The following TPD52L2 variants were observed in gnomAD, a reference collection of about 807,000 sequenced individuals.
TPD52L2 encodes tumor protein D54.
In TPD52L2, 19 loss-of-function variants were observed where a neutral mutation model predicts 24.7. The ratio of observed to expected loss-of-function variants is 0.77; its 90% CI spans 0.54 to 1.13. The LOEUF (loss-of-function observed/expected upper bound fraction) is 1.13. TPD52L2 is among the 50% of genes most tolerant of loss of function. The pLI is 0.00. For synonymous variants in TPD52L2, 104 were observed against 100.2 expected (o/e 1.04, Z -0.23); for missense variants, 236 against 250.4 (o/e 0.94, Z 0.39).
intron 5 of TPD52L2, among the ~76,000 whole-genome samples, chr20:63,886,528 A>C (rs933768659): frequency 9.9e-5 from 15 of 151,470 alleles, no homozygotes; most frequent in Non-Finnish European, 1.5e-4. Flanking sequence ...CGCCCGGCTA[A>C]TTTTTTGTAT....
intron 5 of TPD52L2, chr20:63,887,468 A>C: frequency 7.5e-7 from 1 of 1,330,660 alleles, no homozygotes; most frequent in Non-Finnish European, 1.1e-6. Context: ...GAGTGGGGGA[A>C]TCCCAGCTCT....
chr20:63,879,843 C>T (rs2052830030), intron 4 of TPD52L2, among the ~76,000 whole-genome samples: 1 of 105,082 alleles, frequency 9.5e-6, no homozygotes, highest in Non-Finnish European at 2.0e-5. Context: ...GGTGCAGCTT[C>T]CCCATCCCCA....
intron 1 of TPD52L2, among the ~76,000 whole-genome samples, chr20:63,867,773 TC>T (rs2052309086): frequency 6.6e-6 from 1 of 150,992 alleles, no homozygotes; most frequent in African/African-American, 2.4e-5. Context: ...AGTTTTTTTT[TC>T]TTTTTCTTTT....
At chr20:63,886,566 G>A (rs1012781834) in intron 5 of TPD52L2, among the ~76,000 whole-genome samples, 2 of 150,930 alleles carry the variant, frequency 1.3e-5, no homozygotes, top group African/African-American at 2.4e-5. Flanking sequence ...TTTCACCGTG[G>A]TCTCGATCTC....
chr20:63,874,666 C>T (rs1024090453), intron 3 of TPD52L2, among the ~76,000 whole-genome samples: 12 of 152,192 alleles, frequency 7.9e-5, no homozygotes, highest in African/African-American at 2.7e-4. Flanking sequence ...TGAGCCACCA[C>T]ATCCGGCTTA....
chr20:63,870,338 G>A (rs558130072), intron 2 of TPD52L2, among the ~76,000 whole-genome samples: 45 of 152,146 alleles, frequency 3.0e-4, no homozygotes, highest in African/African-American at 9.9e-4. Context: ...TGGTTGTGCC[G>A]CTGAGTCTGA....
chr20:63,879,498 T>C (rs2052815365), intron 4 of TPD52L2, among the ~76,000 whole-genome samples: 1 of 152,108 alleles, frequency 6.6e-6, no homozygotes, highest in African/African-American at 2.4e-5. Context: ...CAGGTCACGC[T>C]CAGGACCCCA....
intron 5 of TPD52L2, among the ~76,000 whole-genome samples, chr20:63,886,225 T>C (rs545332737): frequency 6.6e-6 from 1 of 152,230 alleles, no homozygotes; most frequent in African/African-American, 2.4e-5. Flanking sequence ...CAGCGTGGGA[T>C]CGACGCAGAG....
At chr20:63,874,033 T>C (rs1009297288) in intron 3 of TPD52L2, among the ~76,000 whole-genome samples, 3 of 152,122 alleles carry the variant, frequency 2.0e-5, no homozygotes, top group Admixed American at 1.3e-4. Context: ...GTTTTATTTA[T>C]TTTTAAGTTT....
chr20:63,886,255 C>T (rs918429999), intron 5 of TPD52L2, among the ~76,000 whole-genome samples: 20 of 152,154 alleles, frequency 1.3e-4, no homozygotes, highest in African/African-American at 4.8e-4. Context: ...AACCCCCCGG[C>T]CCTTCTGTGT....
At chr20:63,886,397 G>C (rs1017883771) in intron 5 of TPD52L2, among the ~76,000 whole-genome samples, 1 of 149,944 alleles carries the variant, frequency 6.7e-6, no homozygotes. Flanking sequence ...GTCTTGCTCT[G>C]TCGCCCAGGT....
chr20:63,871,324 C>T (rs868793530), intron 2 of TPD52L2, among the ~76,000 whole-genome samples: 3 of 149,824 alleles, frequency 2.0e-5, no homozygotes, highest in African/African-American at 4.9e-5. Flanking sequence ...ATTACAAATG[C>T]GAGCCGCTGT....
intron 4 of TPD52L2, among the ~76,000 whole-genome samples, chr20:63,879,068 G>A (rs1445163873): frequency 6.6e-6 from 1 of 152,224 alleles, no homozygotes; most frequent in Non-Finnish European, 1.5e-5. Context: ...TGGAGGCCCA[G>A]GATGGGACTG....
chr20:63,881,925 T>C (rs2052913861), intron 4 of TPD52L2, among the ~76,000 whole-genome samples: 1 of 152,238 alleles, frequency 6.6e-6, no homozygotes, highest in South Asian at 2.1e-4. Context: ...TCCTGCCTGC[T>C]GCCCTTTGCC....
At position 63,870,749 on chromosome 20, in the gene TPD52L2, G is replaced by A. The variant is rs202173358; in HGVS notation, c.165+1308G>A. Among the ~76,000 whole-genome samples the A allele has an allele frequency of 8.7e-5, 12 of 137,232 alleles. No homozygotes were observed. In the East Asian group the frequency reaches 1.5e-3, roughly 17 times the overall value. 90.0% of individuals were successfully genotyped at this position (137,232 alleles called of 152,430 possible). A position where few individuals can be genotyped will look rare whatever the true frequency, so the allele number is the denominator to read the frequency against. On this transcript the variant is annotated intron_variant, in intron 2 of 6. Transcript: ENST00000346249. ...TTTTTTTTTTTGGAGACAGAGTCTC[G>A]CCCTGTCGCCCAGGCTGGAGTGCAA...
intron 3 of TPD52L2, 80 bp from the exon 4 acceptor site, chr20:63,875,735 TC>T: frequency 6.9e-7 from 1 of 1,448,130 alleles, no homozygotes; most frequent in South Asian, 1.2e-5. Flanking sequence ...CTCTCTGTCT[TC>T]CCTGGAACTT....
At chr20:63,876,712 G>A (rs1354116176) in intron 4 of TPD52L2, 1 of 454,642 alleles carries the variant, frequency 2.2e-6, no homozygotes, top group Non-Finnish European at 4.4e-6. Context: ...GAAGGTCCTG[G>A]GGGACCAGGC....
At chr20:63,887,238 A>G (rs1022760494) in intron 5 of TPD52L2, 10 of 454,794 alleles carry the variant, frequency 2.2e-5, no homozygotes, top group Non-Finnish European at 2.4e-5. Flanking sequence ...TCTTTTGCCA[A>G]AAGGTCCTTA....
chr20:63,890,009 T>G lies in TPD52L2; in HGVS notation c.*64T>G, dbSNP rs2053273178. ...CCAGCCTCAGCATCACAGCCGCAGC[T>G]CTGTTCAGCGGAGCAGCCAGCCAGG... On this transcript the variant is annotated 3_prime_UTR_variant, in exon 7 of 7. Transcript: ENST00000346249. The G allele has an allele frequency of 6.2e-7, 1 of 1,605,170 alleles. No homozygotes were observed. Among genetic ancestry groups the G allele is most frequent in the East Asian group, 2.2e-5 (1 of 44,610 alleles).
Sources: allele counts gnomAD v4.1 joint callset (sites outside exome capture counted in the v4.1 genomes callset), GRCh38; gene constraint gnomAD v4.1.1; transcripts MANE v1.5; gene names NCBI Gene and HGNC (gene_info 2026-07-23, HGNC 2026-07-21).